Variants in SORCS1 observed in about 807,000 individuals in gnomAD.
SORCS1 encodes the protein VPS10 domain-containing receptor SorCS1.
SORCS1 carries 60 observed loss-of-function variants against 146.1 expected under a neutral mutation model. That is an observed-to-expected ratio of 0.41 (90% CI 0.33 to 0.51). SORCS1 has a LOEUF of 0.51. Ranked by LOEUF, SORCS1 falls within the 20% of genes least tolerant of loss-of-function variation. The probability of loss-of-function intolerance (pLI) is 0.21; values close to 1 mark genes in which losing one functional copy is unlikely to be tolerated. For missense variants in SORCS1, 1,352 were observed against 1,487.6 expected (o/e 0.91, Z 1.50); for synonymous variants, 637 against 584.0 (o/e 1.09, Z -1.31).
At chr10:106,737,710 C>A (rs3982438) in intron 5 of SORCS1, among the ~76,000 whole-genome samples, 117,574 of 150,648 alleles carry the variant, frequency 0.78, 46,701 homozygotes, top group Non-Finnish European at 0.87. Context: ...CCACCCCCAC[C>A]AAAAAAGGAT....
intron 5 of SORCS1, among the ~76,000 whole-genome samples, chr10:106,753,588 T>C (rs1858418857): frequency 6.6e-6 from 1 of 152,058 alleles, no homozygotes; most frequent in Non-Finnish European, 1.5e-5. Flanking sequence ...GACAGGTATG[T>C]TAGCAAAAGT....
chr10:106,829,710 A>G, intron 2 of SORCS1, 37 bp from the exon 3 acceptor site: 1 of 1,520,598 alleles, frequency 6.6e-7, no homozygotes, highest in Non-Finnish European at 9.1e-7. Flanking sequence ...GGACAGAAGT[A>G]TATGTCATTT....
chr10:107,155,821 G>A (rs765167963), intron 1 of SORCS1, among the ~76,000 whole-genome samples: 1 of 152,080 alleles, frequency 6.6e-6, no homozygotes, highest in Non-Finnish European at 1.5e-5. Context: ...TGGTTCCAGG[G>A]CACAACATGA....
intron 3 of SORCS1, among the ~76,000 whole-genome samples, chr10:106,817,280 C>G (rs893031501): frequency 6.6e-6 from 1 of 152,178 alleles, no homozygotes; most frequent in Non-Finnish European, 1.5e-5. Flanking sequence ...AAAGCTACAT[C>G]CATCCCGGTG....
At chr10:106,995,539 A>C (rs973762686) in intron 1 of SORCS1, among the ~76,000 whole-genome samples, 2 of 152,122 alleles carry the variant, frequency 1.3e-5, no homozygotes, top group African/African-American at 2.4e-5. Flanking sequence ...GGGGAAAAAA[A>C]CGTCCTGCGT....
intron 2 of SORCS1, among the ~76,000 whole-genome samples, chr10:106,850,507 C>T (rs1018816108): frequency 1.3e-5 from 2 of 152,086 alleles, no homozygotes; most frequent in Non-Finnish European, 2.9e-5. Flanking sequence ...GTGAGATGAA[C>T]CCGGTACCTC....
chr10:106,640,074 C>A (rs998982293), intron 18 of SORCS1, among the ~76,000 whole-genome samples: 5 of 152,052 alleles, frequency 3.3e-5, no homozygotes, highest in Admixed American at 6.6e-5. Flanking sequence ...TTTATTAACC[C>A]TTTGTGCCAC....
intron 10 of SORCS1, among the ~76,000 whole-genome samples, chr10:106,681,155 A>G (rs1852406587): frequency 6.6e-6 from 1 of 152,216 alleles, no homozygotes; most frequent in South Asian, 2.1e-4. Context: ...TTATTTGTCC[A>G]AGAGGAAGAC....
At chr10:106,829,701 G>A in intron 2 of SORCS1, 28 bp from the exon 3 acceptor site, 8 of 1,550,000 alleles carry the variant, frequency 5.2e-6, no homozygotes, top group Non-Finnish European at 6.2e-6. Context: ...CATTAATGAG[G>A]ACAGAAGTAT....
intron 2 of SORCS1, among the ~76,000 whole-genome samples, chr10:106,927,754 T>C (rs1406544908): frequency 1.3e-5 from 2 of 152,166 alleles, no homozygotes; most frequent in Admixed American, 6.5e-5. Flanking sequence ...AGTAGCTAGA[T>C]ACAGAGTGTT....
At chr10:107,167,896 A>G (rs1008453859), upstream of SORCS1, among the ~76,000 whole-genome samples, 4 of 152,170 alleles carry the variant, frequency 2.6e-5, no homozygotes, top group Non-Finnish European at 5.9e-5. Context: ...TAGTCATTGT[A>G]TACTGATTGG....
At chr10:107,070,264 GTT>G (rs1962299554) in intron 1 of SORCS1, among the ~76,000 whole-genome samples, 1 of 112,046 alleles carries the variant, frequency 8.9e-6, no homozygotes, top group African/African-American at 4.0e-5. Context: ...TTCGTAAACA[GTT>G]TGTGTGTGTG....
intron 1 of SORCS1, among the ~76,000 whole-genome samples, chr10:107,154,829 G>C (rs1046005313): frequency 3.3e-5 from 5 of 152,114 alleles, no homozygotes; most frequent in Non-Finnish European, 7.3e-5. Context: ...CCGTTAAGAA[G>C]TTATATTATC....
rs757125539 is a variant in SORCS1 at position 106,926,862 on chromosome 10, CACACAG to C, written c.626+29645_626+29650del. On this transcript the variant is annotated intron_variant, in intron 2 of 25. Coordinates refer to ENST00000263054, the MANE Select transcript of SORCS1 (RefSeq NM_052918.5). The stretch of plus-strand genomic sequence containing the variant: ...ACACACACACACACACACACACACA[CACACAG>C]AGAGAGAGAGAGAGAGAGAGAGAGA... Among the ~76,000 whole-genome samples, 475 of 97,338 alleles carry C rather than the reference CACACAG, an allele frequency of 4.9e-3. 3 individuals are homozygous for C. The highest frequency in any genetic ancestry group is 0.02 in the African/African-American group (392 of 19,584). The allele number at this position is 97,338 out of a possible 152,430, so 63.9% of individuals were successfully genotyped here. A position where few individuals can be genotyped will look rare whatever the true frequency, so the allele number is the denominator to read the frequency against.
At chr10:107,117,160 A>G (rs1324048824) in intron 1 of SORCS1, among the ~76,000 whole-genome samples, 2 of 152,202 alleles carry the variant, frequency 1.3e-5, no homozygotes, top group African/African-American at 2.4e-5. Context: ...CCAATTGCCT[A>G]TTTGAAAAGA....
intron 1 of SORCS1, among the ~76,000 whole-genome samples, chr10:107,136,231 G>A (rs1967287339): frequency 6.6e-6 from 1 of 152,176 alleles, no homozygotes; most frequent in Non-Finnish European, 1.5e-5. Flanking sequence ...TTTCACCAAA[G>A]ACTTTTCACA....
chr10:106,806,525 T>C (rs1947191728), intron 3 of SORCS1, among the ~76,000 whole-genome samples: 1 of 118,744 alleles, frequency 8.4e-6, no homozygotes, highest in Admixed American at 8.4e-5. Flanking sequence ...TTTTTTTTTT[T>C]TTTTTTTTGA....
At chr10:106,927,166 A>G (rs1408918451) in intron 2 of SORCS1, among the ~76,000 whole-genome samples, 4 of 152,120 alleles carry the variant, frequency 2.6e-5, no homozygotes, top group African/African-American at 9.7e-5. Flanking sequence ...ACTGACTTCA[A>G]GAATGAAGCT....
chr10:107,106,481 A>C (rs1965313069), intron 1 of SORCS1, among the ~76,000 whole-genome samples: 1 of 152,204 alleles, frequency 6.6e-6, no homozygotes. Context: ...TTATCTCCTG[A>C]AGAAGTGCTT....
Sources: allele counts gnomAD v4.1 joint callset (sites outside exome capture counted in the v4.1 genomes callset), GRCh38; gene constraint gnomAD v4.1.1; transcripts MANE v1.5; gene names NCBI Gene and HGNC (gene_info 2026-07-23, HGNC 2026-07-21).